The following OSBPL3 variants were observed in gnomAD, a reference collection of about 807,000 sequenced individuals.
OSBPL3 encodes oxysterol binding protein like 3, also known as oxysterol-binding protein-related protein 3.
In OSBPL3, 65 loss-of-function variants were observed where a neutral mutation model predicts 120.1. The observed-to-expected ratio is 0.54, with a 90% CI of 0.44 to 0.67. The LOEUF is 0.67. Among genes scored for constraint, OSBPL3 ranks in the 30% least tolerant of loss-of-function variants. The pLI, the probability that OSBPL3 is intolerant of heterozygous loss-of-function variation, is 0.00. For missense variants in OSBPL3, 1,004 were observed against 1,082.1 expected (o/e 0.93, Z 1.01); for synonymous variants, 416 against 402.6 (o/e 1.03, Z -0.40).
At chr7:24,977,047 T>G (rs898000458) in intron 1 of OSBPL3, among the ~76,000 whole-genome samples, 1 of 152,010 alleles carries the variant, frequency 6.6e-6, no homozygotes, top group Admixed American at 6.5e-5. Flanking sequence ...CTTTTGGAAT[T>G]AGTAGCAGTT....
rs1806660575 is a variant in OSBPL3 at position 24,899,461 on chromosome 7, G to A, written c.-149-6840C>T. 6.6e-6 allele frequency among the ~76,000 whole-genome samples: 1 copy of A among 152,140 alleles called. No homozygotes were observed. Among genetic ancestry groups the A allele is most frequent in the Non-Finnish European group, 1.5e-5 (1 of 68,018 alleles). On this transcript the variant is annotated intron_variant, in intron 1 of 22. Transcript: ENST00000313367. This position sits in a 1 kb window ranked among gnomAD's most constrained non-coding sequence, Gnocchi z 4.0. ...TTTAACTAAAATTCAGGACTTGACT[G>A]TTCTATTATTATTACCATCATTATA...
chr7:24,863,342 C>A lies in OSBPL3; in HGVS notation c.778-50G>T, dbSNP rs372445183. The A allele has an allele frequency of 2.0e-6, 3 of 1,534,734 alleles. No homozygotes were observed. The highest frequency in any genetic ancestry group is 4.5e-5 in the East Asian group (2 of 44,486). Reference sequence around the variant, plus strand: ...GCACAGACAGTAAAGTCCACCAAACCGACAAGGATAAATGCATAGCAAAGT... The same window carrying A: ...GCACAGACAGTAAAGTCCACCAAACAGACAAGGATAAATGCATAGCAAAGT... On this transcript the variant is annotated intron_variant, in intron 8 of 22. Transcript: ENST00000313367. The surrounding 1 kb of genome is among the most constrained non-coding windows in gnomAD (Gnocchi z 5.8).
rs1382232422 is a variant in OSBPL3 at position 24,937,167 on chromosome 7, A to G, written c.-150+42719T>C. ...GGAGAAATGCCGAGCAAAAGGGGGAAAAGGCCCTTATATTATAAAACCATC... is the reference window on the plus strand; with the variant it reads ...GGAGAAATGCCGAGCAAAAGGGGGAGAAGGCCCTTATATTATAAAACCATC... On this transcript the variant is annotated intron_variant, in intron 1 of 22. Transcript: ENST00000313367. This position sits in a 1 kb window ranked among gnomAD's most constrained non-coding sequence, Gnocchi z 4.0. Among the ~76,000 whole-genome samples the G allele has an allele frequency of 1.3e-5, 2 of 152,082 alleles. No individual in the cohort carries two copies. The highest frequency in any genetic ancestry group is 1.5e-5 in the Non-Finnish European group (1 of 68,002).
intron 1 of OSBPL3, among the ~76,000 whole-genome samples, chr7:24,904,948 TGTGTGTGTGTGTGA>T (rs1190859274): frequency 2.6e-5 from 4 of 151,186 alleles, no homozygotes; most frequent in East Asian, 1.9e-4. Context: ...TGTGTGTGTG[TGTGTGTGTGTGTGA>T]ATAAAGTTAA....
intron 1 of OSBPL3, among the ~76,000 whole-genome samples, chr7:24,911,641 A>G (rs1808831100): frequency 1.3e-5 from 2 of 152,224 alleles, no homozygotes. Context: ...ACCAAATTCT[A>G]TAAATCGAAG....
intron 1 of OSBPL3, among the ~76,000 whole-genome samples, chr7:24,917,006 A>G (rs1277318413): frequency 1.3e-5 from 2 of 151,722 alleles, no homozygotes; most frequent in Non-Finnish European, 2.9e-5. Flanking sequence ...ATGGGTAGAG[A>G]GAGGGAAGGA....
rs567802136 is a variant in OSBPL3, at chr7:24,903,767, T to C, written c.-149-11146A>G. On this transcript the variant is annotated intron_variant, in intron 1 of 22. Transcript: ENST00000313367. ...CCTCCTGGTCACATGGGCCTCACTA[T>C]TGGCACATGTCCCCTGACCCCTGAC... 1.4e-4 allele frequency among the ~76,000 whole-genome samples: 22 copies of C among 152,330 alleles called. No individual in the cohort carries two copies. In the South Asian group the frequency reaches 3.5e-3, roughly 24 times the overall value.
At chr7:24,816,764 G>A in intron 17 of OSBPL3, 76 bp from the exon 18 acceptor site, 1 of 923,112 alleles carries the variant, frequency 1.1e-6, no homozygotes, top group Non-Finnish European at 1.8e-6. Context: ...CTAGATAAAT[G>A]ATCAATCGCT....
In OSBPL3 at chr7:24,964,871, T is replaced by C. The variant is rs1258575014; in HGVS notation, c.-150+15015A>G. On this transcript the variant is annotated intron_variant, in intron 1 of 22. Transcript: ENST00000313367. The surrounding 1 kb of genome is among the most constrained non-coding windows in gnomAD (Gnocchi z 4.2). ...AAAAGTTGTTTTGTGTTGGGGGCTG[T>C]GATTAAAATAAGTAAAGTTGGACAA... 6.6e-6 allele frequency among the ~76,000 whole-genome samples: 1 copy of C among 152,240 alleles called. No homozygotes were observed. Among genetic ancestry groups the C allele is most frequent in the Admixed American group, 6.5e-5 (1 of 15,290 alleles).
In OSBPL3 at chr7:24,834,707, TC is replaced by T; in HGVS notation, c.1524del (p.Lys509SerfsTer24). The stretch of plus-strand genomic sequence containing the variant: ...GGCAGGCACGTTCTTCTCCGGGACT[TC>T]GCTTCCCGACCACTATCAAGGACAG... Reference protein sequence around the residue: ...LGPVLDSGREAKSRRRTCLPA... With the variant: ...LGPVLDSGREXKSRRRTCLPA... On this transcript the variant is annotated frameshift_variant, in exon 15 of 23. Transcript: ENST00000313367. LOFTEE classifies it high-confidence loss of function. The surrounding 1 kb of genome is among the most constrained non-coding windows in gnomAD (Gnocchi z 5.2). 1 of 1,612,988 alleles carries T rather than the reference TC, an allele frequency of 6.2e-7. No individual in the cohort carries two copies. Among genetic ancestry groups the T allele is most frequent in the Non-Finnish European group, 8.5e-7 (1 of 1,179,514 alleles).
chr7:24,858,271 T>C (rs982664262), intron 10 of OSBPL3, among the ~76,000 whole-genome samples: 31 of 152,256 alleles, frequency 2.0e-4, no homozygotes, highest in African/African-American at 7.5e-4. Context: ...TTCTTGCCTT[T>C]AGTTCAGCTG....
At chr7:24,919,984 A>T (rs126) in intron 1 of OSBPL3, among the ~76,000 whole-genome samples, 42,067 of 151,866 alleles carry the variant, frequency 0.28, 6,050 homozygotes, top group South Asian at 0.4. Flanking sequence ...TTTATATAAA[A>T]TTATTTACTT....
At chr7:24,949,058 A>G (rs1352989296) in intron 1 of OSBPL3, among the ~76,000 whole-genome samples, 1 of 152,154 alleles carries the variant, frequency 6.6e-6, no homozygotes, top group African/African-American at 2.4e-5. Context: ...GGCGTATCTC[A>G]CCATGAAAAC....
At chr7:24,976,787 C>T (rs970771209) in intron 1 of OSBPL3, among the ~76,000 whole-genome samples, 7 of 152,174 alleles carry the variant, frequency 4.6e-5, no homozygotes, top group African/African-American at 7.2e-5. Context: ...AAATACAGTA[C>T]TGCCGAGAAG....
In OSBPL3 at chr7:24,862,999, G is replaced by A. The variant is rs1224712453; in HGVS notation, c.870+201C>T. 6.6e-6 allele frequency among the ~76,000 whole-genome samples: 1 copy of A among 152,100 alleles called. No homozygotes were observed. The highest frequency in any genetic ancestry group is 1.5e-5 in the Non-Finnish European group (1 of 68,016). On this transcript the variant is annotated intron_variant, in intron 9 of 22. Transcript: ENST00000313367. This position sits in a 1 kb window ranked among gnomAD's most constrained non-coding sequence, Gnocchi z 4.4. ...TCCCTTAGAAAAAATTCTCTCCCTT[G>A]CCCACGATCCATTATGTGCTTATCC...
chr7:24,799,471 C>A lies in OSBPL3; in HGVS notation c.*712G>T, dbSNP rs772983234. The A allele has an allele frequency of 6.6e-6, 1 of 152,134 alleles. No homozygotes were observed. Among genetic ancestry groups the A allele is most frequent in the East Asian group, 1.9e-4 (1 of 5,196 alleles). 9.4% of individuals were successfully genotyped at this position (152,134 alleles called of 1,614,324 possible). ...TTGTGATATTTAATTAATTGGAATT[C>A]TTTTCTCTTATGAATAATTTCTCTG... On this transcript the variant is annotated 3_prime_UTR_variant, in exon 23 of 23. Transcript: ENST00000313367. This position sits in a 1 kb window ranked among gnomAD's most constrained non-coding sequence, Gnocchi z 5.3.
Position 24,932,558 on chromosome 7 carries a change from C to A in OSBPL3, c.-149-39937G>T, listed in dbSNP as rs1811915791. On this transcript the variant is annotated intron_variant, in intron 1 of 22. Transcript: ENST00000313367. This position sits in a 1 kb window ranked among gnomAD's most constrained non-coding sequence, Gnocchi z 5.6. ...GAAGGCAGAGCCCTCATGAATGGGA[C>A]TAGTGCCCTTTTAAAGATTCCCCAC... Among the ~76,000 whole-genome samples the A allele has an allele frequency of 6.6e-6, 1 of 152,118 alleles. No individual in the cohort carries two copies. The highest frequency in any genetic ancestry group is 1.5e-5 in the Non-Finnish European group (1 of 68,026).
rs370381209 is a variant in OSBPL3, at chr7:24,881,126, T to C, written c.97-9057A>G. Among the ~76,000 whole-genome samples the C allele has an allele frequency of 5.9e-5, 9 of 152,332 alleles. No homozygotes were observed. In the East Asian group the frequency reaches 1.3e-3, roughly 23 times the overall value. ...CTCAAAACTATTTTTTCAGAGCTAA[T>C]TGAAATTTGCAATCAAAGCAGAGAT... On this transcript the variant is annotated intron_variant, in intron 2 of 22. Transcript: ENST00000313367. This position sits in a 1 kb window ranked among gnomAD's most constrained non-coding sequence, Gnocchi z 4.3.
intron 1 of OSBPL3, chr7:24,906,050 CA>C (rs1807860629): frequency 2.0e-5 from 3 of 153,006 alleles, no homozygotes; most frequent in Non-Finnish European, 1.5e-5. Flanking sequence ...CCCAGAGTCA[CA>C]GCACCATGAT....
Sources: allele counts gnomAD v4.1 joint callset (sites outside exome capture counted in the v4.1 genomes callset), GRCh38; gene constraint gnomAD v4.1.1; non-coding constraint Gnocchi (gnomAD v3.1); transcripts MANE v1.5; gene names NCBI Gene and HGNC (gene_info 2026-07-23, HGNC 2026-07-21).